Variants in KCTD5 observed in about 807,000 individuals in gnomAD.
KCTD5 encodes BTB/POZ domain-containing protein KCTD5.
Under a neutral mutation model 27.9 loss-of-function variants are expected in KCTD5, and 12 were observed. The ratio of observed to expected loss-of-function variants is 0.43; its 90% CI spans 0.28 to 0.70. KCTD5 has a LOEUF of 0.70. Among genes scored for constraint, KCTD5 ranks in the 30% least tolerant of loss-of-function variants. The pLI, the probability that KCTD5 is intolerant of heterozygous loss-of-function variation, is 0.19. For synonymous variants in KCTD5, 147 were observed against 121.4 expected, an observed-to-expected ratio of 1.21 and a Z score of -1.39; for missense variants, 226 against 274.8, an observed-to-expected ratio of 0.82 and a Z score of 1.26.
At chr16:2,686,988 C>T (rs888780686) in intron 1 of KCTD5, among the ~76,000 whole-genome samples, 2 of 152,196 alleles carry the variant, frequency 1.3e-5, no homozygotes, top group Non-Finnish European at 2.9e-5. Context: ...TTGTTTCACG[C>T]TTCAGTTGAG....
chr16:2,699,554 G>A (rs2067602247), intron 3 of KCTD5, among the ~76,000 whole-genome samples: 1 of 152,250 alleles, frequency 6.6e-6, no homozygotes, highest in Non-Finnish European at 1.5e-5. Flanking sequence ...AGCCACAGGT[G>A]CTCTTGGGAT....
At chr16:2,682,962 C>A in intron 1 of KCTD5, 162 bp downstream of exon 1, 1 of 807,662 alleles carries the variant, frequency 1.2e-6, no homozygotes, top group South Asian at 2.3e-5. Flanking sequence ...CAGCTTGCCC[C>A]GATCCCCTAC....
chr16:2,686,586 T>C (rs2067540201), intron 1 of KCTD5, among the ~76,000 whole-genome samples: 1 of 55,524 alleles, frequency 1.8e-5, no homozygotes, highest in African/African-American at 7.7e-5. Context: ...TGGAGGAGAA[T>C]TTGGGGAGGC....
rs372768771 is a variant in KCTD5 at position 2,699,936 on chromosome 16, C to G, written c.549+20C>G. 1.1e-4 allele frequency: 173 copies of G among 1,604,780 alleles called. No individual in the cohort carries two copies. In the African/African-American group the frequency reaches 2.1e-3, roughly 20 times the overall value. ...GAGCAGGTGAGGGGCCCTGGCCAGC[C>G]TGGTGGCAGCCATGCTGCAGCTGAA... On this transcript the variant is annotated intron_variant, in intron 4 of 5. Coordinates refer to ENST00000301738, the MANE Select transcript of KCTD5 (RefSeq NM_018992.4).
chr16:2,683,205 A>AGTTC (rs1567192136), intron 1 of KCTD5: 2 of 162,394 alleles, frequency 1.2e-5, no homozygotes, highest in Non-Finnish European at 2.7e-5. Context: ...CTCTGGAAAC[A>AGTTC]GAACCCTTGG....
At chr16:2,702,318 C>T in intron 4 of KCTD5, 35 bp from the exon 5 acceptor site, 2 of 1,612,394 alleles carry the variant, frequency 1.2e-6, no homozygotes, top group Non-Finnish European at 1.7e-6. Context: ...TCTCAGGCTT[C>T]ACTGGGCTGC....
chr16:2,687,801 A>G (rs779338934), intron 1 of KCTD5, among the ~76,000 whole-genome samples: 9 of 152,106 alleles, frequency 5.9e-5, no homozygotes, highest in Non-Finnish European at 1.3e-4. Context: ...CTGGGGAAGA[A>G]CCTGCCTGCC....
rs1481579017 is a variant in KCTD5, at chr16:2,707,983, T to G, written c.*656T>G. ...TTTGTATTTTCCAGGCAAGAGAACTTTGTACCCCTTCTCTGTGTGGATAGA... is the reference window on the plus strand; with the variant it reads ...TTTGTATTTTCCAGGCAAGAGAACTGTGTACCCCTTCTCTGTGTGGATAGA... On this transcript the variant is annotated 3_prime_UTR_variant, in exon 6 of 6. Transcript: ENST00000301738. 6.5e-6 allele frequency: 1 copy of G among 154,660 alleles called. No homozygotes were observed. The highest frequency in any genetic ancestry group is 1.4e-5 in the Non-Finnish European group (1 of 69,688). The allele number at this position is 154,660 out of a possible 1,614,324, so 9.6% of individuals were successfully genotyped here. A position where few individuals can be genotyped will look rare whatever the true frequency, so the allele number is the denominator to read the frequency against.
At chr16:2,706,590 C>T (rs1304065819) in intron 5 of KCTD5, among the ~76,000 whole-genome samples, 8 of 152,060 alleles carry the variant, frequency 5.3e-5, no homozygotes, top group Non-Finnish European at 8.8e-5. Context: ...TTGGGGGTGG[C>T]CTCAGGGGGT....
intron 3 of KCTD5, among the ~76,000 whole-genome samples, chr16:2,698,703 C>T (rs1488851504): frequency 6.6e-6 from 1 of 152,168 alleles, no homozygotes; most frequent in Non-Finnish European, 1.5e-5. Flanking sequence ...AGCCCTGGGC[C>T]CTGTGCAGAC....
chr16:2,698,729 G>A (rs1478434625), intron 3 of KCTD5, among the ~76,000 whole-genome samples: 4 of 152,228 alleles, frequency 2.6e-5, no homozygotes, highest in African/African-American at 4.8e-5. Context: ...TAGCCTGGCC[G>A]CTCAGGGCCG....
At chr16:2,706,953 G>C (rs945955041) in intron 5 of KCTD5, among the ~76,000 whole-genome samples, 3 of 151,798 alleles carry the variant, frequency 2.0e-5, no homozygotes, top group African/African-American at 4.8e-5. Context: ...AATTGGGGAG[G>C]GGGGACTGGA....
In KCTD5 at chr16:2,691,628, G is replaced by A. The variant is rs2067567133; in HGVS notation, c.253-4307G>A. 2.6e-5 allele frequency among the ~76,000 whole-genome samples: 4 copies of A among 152,304 alleles called. No homozygotes were observed. The South Asian group carries it at 8.3e-4, about 32-fold the overall frequency. ...CACGTGGGAGGAGTGTACTGTGGCG[G>A]GGGCCCCATAGGAAGCCCACTGTCC... On this transcript the variant is annotated intron_variant, in intron 1 of 5. Transcript: ENST00000301738.
At chr16:2,693,667 C>T (rs1300066396) in intron 1 of KCTD5, among the ~76,000 whole-genome samples, 4 of 152,248 alleles carry the variant, frequency 2.6e-5, no homozygotes, top group Admixed American at 6.5e-5. Flanking sequence ...CCTCGTGTGT[C>T]TGGGGGCGCC....
At chr16:2,700,185 G>C (rs900249252) in intron 4 of KCTD5, among the ~76,000 whole-genome samples, 1 of 152,134 alleles carries the variant, frequency 6.6e-6, no homozygotes, top group African/African-American at 2.4e-5. Context: ...CGCTTTCTTC[G>C]CATCATCTGG....
intron 1 of KCTD5, chr16:2,685,917 G>A (rs1432651916): frequency 2.6e-5 from 4 of 152,210 alleles, no homozygotes; most frequent in Non-Finnish European, 4.4e-5. Flanking sequence ...GTTGGGTGGG[G>A]AGATTTAAGG....
intron 5 of KCTD5, among the ~76,000 whole-genome samples, chr16:2,706,390 A>C (rs1161795485): frequency 6.6e-6 from 1 of 152,124 alleles, no homozygotes; most frequent in Non-Finnish European, 1.5e-5. Context: ...GGCAGCCCTC[A>C]CGTGACACAT....
rs1304984171 is a variant in KCTD5 at position 2,682,591 on chromosome 16, G to A, written c.43G>A (p.Gly15Ser). ...HCELLSPARG[G>S]IGAGLGGGLC... The stretch of plus-strand genomic sequence containing the variant: ...CGAGCTCCTGTCGCCGGCCCGGGGC[G>A]GCATCGGGGCGGGGCTGGGGGGCGG... Residue 15 changes from glycine to serine, a missense_variant, in exon 1 of 6, where the codon GGC (glycine) becomes AGC (serine). Transcript: ENST00000301738. 7.0e-6 allele frequency: 10 copies of A among 1,422,144 alleles called. No individual in the cohort carries two copies. The highest frequency in any genetic ancestry group is 8.2e-6 in the Non-Finnish European group (9 of 1,092,824). The allele number at this position is 1,422,144 out of a possible 1,614,324, so 88.1% of individuals were successfully genotyped here.
chr16:2,702,299 G>A, intron 4 of KCTD5, 54 bp from the exon 5 acceptor site: 2 of 1,608,718 alleles, frequency 1.2e-6, no homozygotes, highest in South Asian at 1.1e-5. Context: ...ATGTCAGCCT[G>A]GCTGGGTCTC....
Sources: allele counts gnomAD v4.1 joint callset (sites outside exome capture counted in the v4.1 genomes callset), GRCh38; gene constraint gnomAD v4.1.1; transcripts MANE v1.5; gene names NCBI Gene and HGNC (gene_info 2026-07-23, HGNC 2026-07-21).